The following RALY variants were observed in gnomAD, a reference collection of about 807,000 sequenced individuals.
RALY encodes RALY heterogeneous nuclear ribonucleoprotein.
Under a neutral mutation model 30.7 loss-of-function variants are expected in RALY, and 15 were observed. The ratio of observed to expected loss-of-function variants is 0.49; its 90% CI spans 0.33 to 0.75. RALY has a LOEUF of 0.75. RALY is among the 30% of genes least tolerant of loss of function. RALY has a pLI of 0.02. For missense variants in RALY, 339 were observed against 414.3 expected (o/e 0.82, Z 1.58); for synonymous variants, 177 against 170.8 (o/e 1.04, Z -0.28).
rs1240067883 is a variant in RALY, at chr20:34,074,985, T to G, written c.378-889T>G. Among the ~76,000 whole-genome samples the G allele has an allele frequency of 2.6e-5, 4 of 152,202 alleles. No individual in the cohort carries two copies. The East Asian group carries it at 5.8e-4, about 22-fold the overall frequency. On this transcript the variant is annotated intron_variant, in intron 5 of 9. Coordinates refer to ENST00000246194, the MANE Select transcript of RALY (RefSeq NM_016732.3). Reference sequence around the variant, plus strand: ...CAAAGTTTACCCCCTGGGCTGCGATTCCCTGAAAAAGGTGGCAGCAACAGA... The same window carrying G: ...CAAAGTTTACCCCCTGGGCTGCGATGCCCTGAAAAAGGTGGCAGCAACAGA...
At chr20:33,994,721 GA>G (rs2030516886) in intron 1 of RALY, among the ~76,000 whole-genome samples, 1 of 152,134 alleles carries the variant, frequency 6.6e-6, no homozygotes, top group Non-Finnish European at 1.5e-5. Flanking sequence ...CTTGGCGGCC[GA>G]GTCTTAGTTT....
chr20:34,019,194 T>C (rs888220230), intron 1 of RALY, among the ~76,000 whole-genome samples: 3 of 152,040 alleles, frequency 2.0e-5, no homozygotes, highest in African/African-American at 7.3e-5. Context: ...GGCCTGGTGG[T>C]GGGCACCTGT....
intron 6 of RALY, chr20:34,076,257 T>G: frequency 1.6e-6 from 1 of 632,666 alleles, no homozygotes; most frequent in South Asian, 2.0e-5. Flanking sequence ...GTGCTGGATA[T>G]GGTGCCCAGT....
At chr20:33,997,271 C>T (rs566585640) in intron 1 of RALY, among the ~76,000 whole-genome samples, 4 of 152,224 alleles carry the variant, frequency 2.6e-5, no homozygotes, top group South Asian at 4.1e-4. Flanking sequence ...TGCACCATCA[C>T]GCCTGGGTAA....
intron 7 of RALY, 63 bp downstream of exon 7, chr20:34,076,878 T>C: frequency 6.3e-7 from 1 of 1,594,224 alleles, no homozygotes; most frequent in Non-Finnish European, 8.6e-7. Flanking sequence ...CATGGGGAAA[T>C]AGTACATGGG....
chr20:34,044,492 G>A (rs192355243), intron 2 of RALY, among the ~76,000 whole-genome samples: 6 of 151,536 alleles, frequency 4.0e-5, no homozygotes, highest in South Asian at 2.1e-4. Flanking sequence ...GGCTAATTTC[G>A]TATTTTTGGT....
At chr20:34,041,429 G>A (rs2032695410) in intron 2 of RALY, among the ~76,000 whole-genome samples, 1 of 152,226 alleles carries the variant, frequency 6.6e-6, no homozygotes, top group African/African-American at 2.4e-5. Flanking sequence ...AGAGCCAGGG[G>A]CTAGAGTCCA....
chr20:34,050,319 T>C (rs1601472294), intron 2 of RALY, among the ~76,000 whole-genome samples: 1 of 152,220 alleles, frequency 6.6e-6, no homozygotes, highest in Non-Finnish European at 1.5e-5. Flanking sequence ...ATATAACCCA[T>C]GTGCCAGAGA....
At chr20:34,027,404 G>A (rs1007744350) in intron 1 of RALY, among the ~76,000 whole-genome samples, 4 of 152,190 alleles carry the variant, frequency 2.6e-5, no homozygotes, top group African/African-American at 4.8e-5. Context: ...ACACCCAGCC[G>A]TGTGCCTGAG....
chr20:34,052,562 G>A (rs2033112170), intron 2 of RALY, among the ~76,000 whole-genome samples: 1 of 152,188 alleles, frequency 6.6e-6, no homozygotes, highest in Non-Finnish European at 1.5e-5. Context: ...AGCATTGTTA[G>A]AGCATCAAGC....
chr20:34,069,313 A>AAAAGACTGG (rs2033662213), intron 2 of RALY, among the ~76,000 whole-genome samples: 1 of 152,212 alleles, frequency 6.6e-6, no homozygotes, highest in Non-Finnish European at 1.5e-5. Flanking sequence ...GGAATGAGAG[A>AAAAGACTGG]AAAGACTGGC....
chr20:34,059,166 T>C (rs1426638382), intron 2 of RALY, among the ~76,000 whole-genome samples: 10 of 152,140 alleles, frequency 6.6e-5, no homozygotes, highest in South Asian at 2.1e-4. Flanking sequence ...ATTTAAGATA[T>C]ATGTTGATGC....
chr20:34,018,837 T>C (rs2031707765), intron 1 of RALY, among the ~76,000 whole-genome samples: 3 of 152,224 alleles, frequency 2.0e-5, no homozygotes, highest in Non-Finnish European at 2.9e-5. Flanking sequence ...CCTTACTACA[T>C]ACCTTTGAGT....
chr20:34,006,231 G>A (rs890644283), intron 1 of RALY, among the ~76,000 whole-genome samples: 1 of 152,194 alleles, frequency 6.6e-6, no homozygotes, highest in Admixed American at 6.5e-5. Context: ...GCAATTCATT[G>A]TCAGTCTTGT....
At chr20:34,014,077 C>A (rs2031515697) in intron 1 of RALY, among the ~76,000 whole-genome samples, 1 of 152,102 alleles carries the variant, frequency 6.6e-6, no homozygotes, top group African/African-American at 2.4e-5. Flanking sequence ...TGTTTTTTGT[C>A]TGTTTTACCT....
intron 1 of RALY, among the ~76,000 whole-genome samples, chr20:34,004,174 A>G (rs147699498): frequency 3.3e-5 from 5 of 152,304 alleles, no homozygotes; most frequent in Non-Finnish European, 7.4e-5. Flanking sequence ...TCCTTTGTAC[A>G]TGGAGGAGGG....
Position 34,077,175 on chromosome 20 carries a change from C to A in RALY, c.806C>A (p.Pro269His). The A allele has an allele frequency of 6.2e-7, 1 of 1,613,680 alleles. No individual in the cohort carries two copies. Residue 269 changes from proline (P) to histidine (H), a missense_variant, in exon 8 of 10, where the codon CCC becomes CAC. By Grantham distance (77) the Pro-to-His change is moderately conservative (BLOSUM62 -2). Around this residue, in one of 2 missense-constraint regions of RALY, gnomAD observed 268 missense variants for 280.6 expected, o/e 0.95. Transcript: ENST00000246194. ...QENTTSEAGL[P>H]QGEARTRDDG... ...AACACAACTTCTGAGGCAGGCCTGC[C>A]CCAGGGGGAAGCACGGACCCGAGAC...
At chr20:34,023,839 G>A (rs532696424) in intron 1 of RALY, among the ~76,000 whole-genome samples, 1 of 152,052 alleles carries the variant, frequency 6.6e-6, no homozygotes, top group East Asian at 1.9e-4. Flanking sequence ...ACTTTGGAGG[G>A]GACCTCAGTG....
chr20:34,062,523 C>T (rs2033447645), intron 2 of RALY, among the ~76,000 whole-genome samples: 1 of 152,366 alleles, frequency 6.6e-6, no homozygotes, highest in East Asian at 1.9e-4. Context: ...CAGAAGAACA[C>T]TCTTATTCCA....
Sources: gnomAD v4.1 joint callset for allele counts (sites outside exome capture counted in the v4.1 genomes callset) on GRCh38, gnomAD v4.1.1 for gene constraint, gnomAD v4.1.1 regional missense constraint, MANE v1.5 for transcripts, NCBI Gene and HGNC (gene_info 2026-07-23, HGNC 2026-07-21) for gene names.